Variants in MAN1C1 observed in about 807,000 individuals in gnomAD.
MAN1C1 encodes mannosyl-oligosaccharide 1,2-alpha-mannosidase IC.
A neutral mutation model predicts 71.5 loss-of-function variants in MAN1C1; 49 were observed. That is an observed-to-expected ratio of 0.69 (90% CI 0.54 to 0.87). MAN1C1 has a LOEUF of 0.87. Among genes scored for constraint, MAN1C1 ranks in the 40% least tolerant of loss-of-function variants. The pLI is 0.00. For synonymous variants in MAN1C1, 352 were observed against 343.7 expected (o/e 1.02, Z -0.27); for missense variants, 743 against 835.0 (o/e 0.89, Z 1.36).
intron 2 of MAN1C1, among the ~76,000 whole-genome samples, chr1:25,695,895 G>C (rs1167820039): frequency 6.6e-6 from 1 of 152,168 alleles, no homozygotes; most frequent in Non-Finnish European, 1.5e-5. Flanking sequence ...CTCTGCCCAG[G>C]GTTCTGTGAC....
chr1:25,623,252 A>G (rs1244548102), intron 1 of MAN1C1, among the ~76,000 whole-genome samples: 3 of 152,240 alleles, frequency 2.0e-5, no homozygotes, highest in East Asian at 1.9e-4. Flanking sequence ...TGTCCCTACC[A>G]GGTATACAAC....
At chr1:25,716,467 G>T (rs762534903) in intron 2 of MAN1C1, among the ~76,000 whole-genome samples, 74 of 152,132 alleles carry the variant, frequency 4.9e-4, no homozygotes, top group African/African-American at 1.7e-3. Context: ...TGAGCAGCTG[G>T]GACCACAGGC....
intron 1 of MAN1C1, among the ~76,000 whole-genome samples, chr1:25,621,632 T>G (rs929742808): frequency 9.1e-5 from 13 of 143,308 alleles, no homozygotes; most frequent in African/African-American, 3.1e-4. Context: ...TTTGTGTTTG[T>G]TTTTTTTTTA....
At chr1:25,754,982 G>A (rs1557793895) in intron 5 of MAN1C1, among the ~76,000 whole-genome samples, 1 of 152,160 alleles carries the variant, frequency 6.6e-6, no homozygotes, top group Non-Finnish European at 1.5e-5. Context: ...AGGGCTGTAT[G>A]GGCCCATGTG....
intron 1 of MAN1C1, among the ~76,000 whole-genome samples, chr1:25,675,938 C>T (rs2046060840): frequency 6.6e-6 from 1 of 152,202 alleles, no homozygotes; most frequent in Non-Finnish European, 1.5e-5. Context: ...AGCCCTAGAG[C>T]AGCCTCTCAA....
chr1:25,617,207 C>T lies in MAN1C1; in HGVS notation c.-591C>T, dbSNP rs1211706810. 6.6e-6 allele frequency among the ~76,000 whole-genome samples: 1 copy of T among 151,592 alleles called. No individual in the cohort carries two copies. The highest frequency in any genetic ancestry group is 6.6e-5 in the Admixed American group (1 of 15,248). ...TCTCCGCGGCGGAGAAAGTTGTGGA[C>T]GTGTCCCGATAGTCGAGCCCGGGCG... On this transcript the variant is annotated 5_prime_UTR_variant, in exon 1 of 12. The change creates a new upstream start codon in the 5' untranslated region. Coordinates refer to ENST00000374332, the MANE Select transcript of MAN1C1 (RefSeq NM_020379.4). This position sits in a 1 kb window ranked among gnomAD's most constrained non-coding sequence, Gnocchi z 5.1.
chr1:25,734,736 G>C (rs939707440), intron 2 of MAN1C1, among the ~76,000 whole-genome samples: 1 of 152,188 alleles, frequency 6.6e-6, no homozygotes, highest in Non-Finnish European at 1.5e-5. Context: ...GATCCCAAAG[G>C]CACCTTGACC....
At chr1:25,694,258 C>T (rs78720728) in intron 2 of MAN1C1, among the ~76,000 whole-genome samples, 2,780 of 152,256 alleles carry the variant, frequency 0.018, 80 homozygotes, top group African/African-American at 0.061. Flanking sequence ...TAAAAAGTAG[C>T]AGTTCTGCTT....
rs1456892863 is a variant in MAN1C1 at position 25,730,811 on chromosome 1, A to G, written c.638-15857A>G. On this transcript the variant is annotated intron_variant, in intron 2 of 11. Coordinates refer to ENST00000374332, the MANE Select transcript of MAN1C1 (RefSeq NM_020379.4). This position sits in a 1 kb window ranked among gnomAD's most constrained non-coding sequence, Gnocchi z 4.3. The stretch of plus-strand genomic sequence containing the variant: ...CTCCTCCTTTTCACTCTCCTGCCAG[A>G]CTCTGTTCATGGAGTCCTGCACCCT... Among the ~76,000 whole-genome samples, 1 of 152,064 alleles carries G rather than the reference A, an allele frequency of 6.6e-6. No individual in the cohort carries two copies. The highest frequency in any genetic ancestry group is 6.5e-5 in the Admixed American group (1 of 15,268).
At chr1:25,771,385 C>G (rs1360252088) in intron 7 of MAN1C1, among the ~76,000 whole-genome samples, 3 of 152,108 alleles carry the variant, frequency 2.0e-5, no homozygotes, top group Non-Finnish European at 4.4e-5. Flanking sequence ...CCGTCCCCAG[C>G]CTGCTAAGGC....
chr1:25,678,164 A>T (rs2046096597), intron 1 of MAN1C1, among the ~76,000 whole-genome samples: 1 of 152,122 alleles, frequency 6.6e-6, no homozygotes. Context: ...AGGCCAGTGA[A>T]TTTCATACTA....
chr1:25,737,145 C>T (rs114639218), intron 2 of MAN1C1, among the ~76,000 whole-genome samples: 2,981 of 152,356 alleles, frequency 0.02, 103 homozygotes, highest in African/African-American at 0.068. Context: ...CCAGATCAGA[C>T]AGCACCCTCA....
At chr1:25,694,508 T>G (rs2124198421) in intron 2 of MAN1C1, among the ~76,000 whole-genome samples, 1 of 152,344 alleles carries the variant, frequency 6.6e-6, no homozygotes, top group Non-Finnish European at 1.5e-5. Context: ...AGGCTGGGAA[T>G]GTTCAGCCTT....
At chr1:25,724,710 C>G (rs552869171) in intron 2 of MAN1C1, among the ~76,000 whole-genome samples, 3 of 152,172 alleles carry the variant, frequency 2.0e-5, no homozygotes, top group African/African-American at 7.2e-5. Context: ...GGCTCCGGAA[C>G]AGAGCACACC....
chr1:25,693,756 T>A (rs1192750103), intron 2 of MAN1C1, among the ~76,000 whole-genome samples: 1 of 152,200 alleles, frequency 6.6e-6, no homozygotes, highest in African/African-American at 2.4e-5. Context: ...GAGAATGGAT[T>A]TGAGAACTAG....
chr1:25,656,271 T>A (rs1265925783), intron 1 of MAN1C1, among the ~76,000 whole-genome samples: 1 of 151,660 alleles, frequency 6.6e-6, no homozygotes, highest in Admixed American at 6.6e-5. Context: ...CTAATTTTTT[T>A]ATTTTTAATA....
chr1:25,684,613 C>T (rs1357408719), intron 1 of MAN1C1, among the ~76,000 whole-genome samples: 1 of 152,236 alleles, frequency 6.6e-6, no homozygotes, highest in Non-Finnish European at 1.5e-5. Flanking sequence ...GTCAGGTCTT[C>T]CTGCCCACCT....
chr1:25,780,812 C>T lies in MAN1C1; in HGVS notation c.1478-128C>T, dbSNP rs2047682120. 12 of 927,224 alleles carry T rather than the reference C, an allele frequency of 1.3e-5. No individual in the cohort carries two copies. The East Asian group carries it at 2.9e-4, about 23-fold the overall frequency. The allele number at this position is 927,224 out of a possible 1,614,324, so 57.4% of individuals were successfully genotyped here. Reference sequence around the variant, plus strand: ...CCTTACACAGCAGTCCAGGCAGGGGCACCCCACACCCACACACACCTGACA... The same window carrying T: ...CCTTACACAGCAGTCCAGGCAGGGGTACCCCACACCCACACACACCTGACA... On this transcript the variant is annotated intron_variant, in intron 9 of 11. Coordinates refer to ENST00000374332, the MANE Select transcript of MAN1C1 (RefSeq NM_020379.4).
At chr1:25,691,742 G>A (rs760943091) in intron 2 of MAN1C1, among the ~76,000 whole-genome samples, 9 of 152,166 alleles carry the variant, frequency 5.9e-5, no homozygotes, top group Non-Finnish European at 1.2e-4. Context: ...AATCTTGGGT[G>A]AGCCAATCAT....
Sources: allele counts gnomAD v4.1 joint callset (sites outside exome capture counted in the v4.1 genomes callset), GRCh38; gene constraint gnomAD v4.1.1; non-coding constraint Gnocchi (gnomAD v3.1); transcripts MANE v1.5; gene names NCBI Gene and HGNC (gene_info 2026-07-23, HGNC 2026-07-21).